The following VGF variants were observed in gnomAD, a reference collection of about 807,000 sequenced individuals.
The protein encoded by VGF is VGF nerve growth factor inducible, also known as neurosecretory protein VGF.
VGF carries 13 observed loss-of-function variants against 41.1 expected under a neutral mutation model. The ratio of observed to expected loss-of-function variants is 0.32; its 90% CI spans 0.21 to 0.50. The LOEUF (loss-of-function observed/expected upper bound fraction) is 0.50, where lower values mean the gene tolerates loss of function less well. VGF is among the 20% of genes least tolerant of loss of function. VGF has a pLI of 0.98. For missense variants in VGF, 920 were observed against 882.1 expected, an observed-to-expected ratio of 1.04 and a Z score of -0.54; for synonymous variants, 473 against 418.3, an observed-to-expected ratio of 1.13 and a Z score of -1.60.
At chr7:101,169,832 C>G (rs1797278894), upstream of VGF, among the ~76,000 whole-genome samples, 2 of 152,238 alleles carry the variant, frequency 1.3e-5, no homozygotes, top group African/African-American at 2.4e-5. Flanking sequence ...TCCATCCCAC[C>G]CAGACACCCC....
chr7:101,169,595 G>C (rs142302377), upstream of VGF, among the ~76,000 whole-genome samples: 564 of 152,224 alleles, frequency 3.7e-3, 1 homozygote, highest in African/African-American at 0.013. Flanking sequence ...TTACCAGGTG[G>C]AGGGAGGGGC....
Position 101,165,469 on chromosome 7 carries a change from G to A in VGF, c.-116C>T. On this transcript the variant is annotated 5_prime_UTR_variant, in exon 1 of 2. Transcript: ENST00000249330. ...GCGTCCGCCTCGGCTCCGAGCGGTG[G>A]CCGGGGTAGGAGCGACGGTCGAGGT... The A allele has an allele frequency of 1.0e-6, 1 of 985,520 alleles. No homozygotes were observed. Among genetic ancestry groups the A allele is most frequent in the Non-Finnish European group, 1.2e-6 (1 of 829,982 alleles). The allele number at this position is 985,520 out of a possible 1,614,324, so 61.0% of individuals were successfully genotyped here. A position where few individuals can be genotyped will look rare whatever the true frequency, so the allele number is the denominator to read the frequency against.
At position 101,165,361 on chromosome 7, in the gene VGF, G is replaced by C. The variant is rs1797201101; in HGVS notation, c.-21+13C>G. On this transcript the variant is annotated intron_variant, in intron 1 of 1. Transcript: ENST00000249330. ...CTGCCGAGGGTTTGAGGGACGAACAGCGGAGTATTTACCAGCTGGTGTCAC... is the reference window on the plus strand; with the variant it reads ...CTGCCGAGGGTTTGAGGGACGAACACCGGAGTATTTACCAGCTGGTGTCAC... The C allele has an allele frequency of 1.0e-6, 1 of 985,650 alleles. No individual in the cohort carries two copies. The highest frequency in any genetic ancestry group is 1.2e-6 in the Non-Finnish European group (1 of 830,090). The allele number at this position is 985,650 out of a possible 1,614,324, so 61.1% of individuals were successfully genotyped here.
upstream of VGF, among the ~76,000 whole-genome samples, chr7:101,166,536 C>A (rs1177499687): frequency 1.4e-5 from 2 of 147,600 alleles, no homozygotes; most frequent in Non-Finnish European, 1.5e-5. Context: ...TGACTCAACT[C>A]CAGCTCTCTC....
At chr7:101,165,725 C>T (rs1459698529), upstream of VGF, 4 of 920,558 alleles carry the variant, frequency 4.3e-6, no homozygotes, top group African/African-American at 7.1e-5. Flanking sequence ...CTGCCTCTCC[C>T]GGCCTGCGCC....
Position 101,163,925 on chromosome 7 carries a change from C to T in VGF, c.919G>A (p.Gly307Arg). Residue 307 changes from glycine (G) to arginine (R), a missense_variant, in exon 2 of 2, where the codon GGG becomes AGG. This residue lies in a region of VGF where 654 missense variants were observed against 638.4 expected (regional missense o/e 1.02). Coordinates refer to ENST00000249330, the MANE Select transcript of VGF (RefSeq NM_003378.4). This position sits in a 1 kb window ranked among gnomAD's most constrained non-coding sequence, Gnocchi z 5.0. ...LQQGLAQVEA[G>R]RRQAEATRQA... ...CGCGTGGCCTCCGCCTGCCGCCGCC[C>T]GGCCTCCACCTGCGCCAGCCCTTGC... 2 of 1,458,284 alleles carry T rather than the reference C, an allele frequency of 1.4e-6. No homozygotes were observed. Among genetic ancestry groups the T allele is most frequent in the Non-Finnish European group, 1.8e-6 (2 of 1,117,266 alleles). The allele number at this position is 1,458,284 out of a possible 1,614,324, so 90.3% of individuals were successfully genotyped here.
At chr7:101,169,253 A>G (rs1797268379), upstream of VGF, among the ~76,000 whole-genome samples, 1 of 151,952 alleles carries the variant, frequency 6.6e-6, no homozygotes, top group Non-Finnish European at 1.5e-5. Flanking sequence ...AGAGAAAGAG[A>G]CAGAGATGGG....
At chr7:101,165,835 G>A (rs1196287285), upstream of VGF, among the ~76,000 whole-genome samples, 2 of 152,196 alleles carry the variant, frequency 1.3e-5, no homozygotes, top group Non-Finnish European at 2.9e-5. Context: ...GCAGGGCGGG[G>A]GGCTATGAAT....
Position 101,163,761 on chromosome 7 carries a change from T to C in VGF, c.1083A>G (p.Ala361=), listed in dbSNP as rs1289808617. ...LQEAAEERES[A]REEEEAEQER... is the part of the protein sequence containing the mutation. ...CCTGCTCCGCCTCCTCCTCCTCCCT[T>C]GCACTCTCTCGCTCCTCCGCCGCCT... is the stretch of plus-strand genomic sequence containing the variant. The change falls in exon 2 of 2, where the codon GCA becomes GCG. Residue 361 remains alanine, a synonymous_variant. Transcript: ENST00000249330. The surrounding 1 kb of genome is among the most constrained non-coding windows in gnomAD (Gnocchi z 5.0). The C allele has an allele frequency of 6.5e-7, 1 of 1,532,080 alleles. No individual in the cohort carries two copies. Among genetic ancestry groups the C allele is most frequent in the South Asian group, 1.2e-5 (1 of 83,938 alleles). 94.9% of individuals were successfully genotyped at this position (1,532,080 alleles called of 1,614,324 possible).
In VGF at chr7:101,162,735, G is replaced by T. The variant is rs1283277017; in HGVS notation, c.*261C>A. The T allele has an allele frequency of 5.0e-6, 3 of 600,464 alleles. No individual in the cohort carries two copies. The highest frequency in any genetic ancestry group is 9.3e-6 in the Non-Finnish European group (3 of 322,036). The allele number at this position is 600,464 out of a possible 1,614,324, so 37.2% of individuals were successfully genotyped here. On this transcript the variant is annotated 3_prime_UTR_variant, in exon 2 of 2. Coordinates refer to ENST00000249330, the MANE Select transcript of VGF (RefSeq NM_003378.4). This position sits in a 1 kb window ranked among gnomAD's most constrained non-coding sequence, Gnocchi z 4.2. ...CCCCAGAGGGACTTGATGGGGCCGG[G>T]GCCCCGCGTGGCAAGGGAACTCGCA...
At chr7:101,165,289 C>T (rs1174344159) in intron 1 of VGF, 85 bp downstream of exon 1, 2 of 987,896 alleles carry the variant, frequency 2.0e-6, no homozygotes, top group Non-Finnish European at 2.4e-6. Context: ...GTGTTTGCAA[C>T]ACCCCCATCG....
Position 101,163,894 on chromosome 7 carries a change from G to A in VGF, c.950C>T (p.Ala317Val). 1.4e-6 allele frequency: 2 copies of A among 1,481,466 alleles called. No homozygotes were observed. The highest frequency in any genetic ancestry group is 2.3e-5 in the Admixed American group (1 of 42,576). The allele number at this position is 1,481,466 out of a possible 1,614,324, so 91.8% of individuals were successfully genotyped here. The change falls in exon 2 of 2, where the codon GCC becomes GTC. Residue 317 changes from alanine (A) to valine (V), a missense_variant. By Grantham distance (64) the Ala-to-Val change is moderately conservative. Transcript: ENST00000249330. The surrounding 1 kb of genome is among the most constrained non-coding windows in gnomAD (Gnocchi z 5.0). ...GGCCAGCCGCTCTTCCTGCGCCGCG[G>A]CCTGCCGCGTGGCCTCCGCCTGCCG... Reference protein sequence around the residue: ...GRRQAEATRQAAAQEERLADL... With the variant: ...GRRQAEATRQVAAQEERLADL...
rs780241774 is a variant in VGF, at chr7:101,163,296, T to TGCGGGA, written c.1542_1547dup (p.Pro515_Ala516dup). On this transcript the variant is annotated inframe_insertion, in exon 2 of 2. Transcript: ENST00000249330. The surrounding 1 kb of genome is among the most constrained non-coding windows in gnomAD (Gnocchi z 5.0). ...CGTTCCAGTCCGGCAGCTCGTCTCG[T>TGCGGGA]GCGGGAGCGGGGGCGGGGGGCGGGG... 1.8e-6 allele frequency: 2 copies of TGCGGGA among 1,126,486 alleles called. No homozygotes were observed. Among genetic ancestry groups the TGCGGGA allele is most frequent in the East Asian group, 1.2e-4 (2 of 16,524 alleles). 69.8% of individuals were successfully genotyped at this position (1,126,486 alleles called of 1,614,324 possible).
chr7:101,166,241 C>T (rs1209646315), upstream of VGF, among the ~76,000 whole-genome samples: 1 of 152,210 alleles, frequency 6.6e-6, no homozygotes, highest in Non-Finnish European at 1.5e-5. Context: ...TTGGTAATCC[C>T]ATCGGGAAGG....
chr7:101,165,870 AGGAT>A (rs1797211345), upstream of VGF, among the ~76,000 whole-genome samples: 1 of 152,140 alleles, frequency 6.6e-6, no homozygotes, highest in Non-Finnish European at 1.5e-5. Context: ...CGAGGAGAAA[AGGAT>A]GAATGAATGA....
In VGF at chr7:101,164,273, T is replaced by A; in HGVS notation, c.571A>T (p.Thr191Ser). ...AAAETETRTH[T>S]LTRVNLESPG... ...CTCTCCAGATTCACTCGGGTCAGCG[T>A]GTGCGTGCGGGTTTCCGTCTCTGCT... The change falls in exon 2 of 2, where the codon ACG (threonine) becomes TCG (serine). Residue 191 changes from threonine (T) to serine (S), a missense_variant. Thr to Ser is a moderately conservative substitution (Grantham distance 58). Around this residue, in one of 3 missense-constraint regions of VGF, gnomAD observed 654 missense variants for 638.4 expected, o/e 1.02. Transcript: ENST00000249330. 1 of 1,604,938 alleles carries A rather than the reference T, an allele frequency of 6.2e-7. No homozygotes were observed. Among genetic ancestry groups the A allele is most frequent in the Non-Finnish European group, 8.5e-7 (1 of 1,179,198 alleles).
At chr7:101,165,733 G>A, upstream of VGF, 1 of 890,436 alleles carries the variant, frequency 1.1e-6, no homozygotes, top group Non-Finnish European at 1.3e-6. Context: ...CCCGGCCTGC[G>A]CCTGCGCGCT....
chr7:101,166,160 G>A (rs561118512), upstream of VGF, among the ~76,000 whole-genome samples: 1 of 152,326 alleles, frequency 6.6e-6, no homozygotes, highest in African/African-American at 2.4e-5. Context: ...GCACGCCTGC[G>A]GGCGCTGTCC....
upstream of VGF, chr7:101,165,669 G>A (rs927072407): frequency 8.1e-5 from 80 of 985,176 alleles, no homozygotes; most frequent in South Asian, 9.4e-5. Context: ...ATGGGGAAGC[G>A]GGCGGCCGCC....
Sources: allele counts gnomAD v4.1 joint callset (sites outside exome capture counted in the v4.1 genomes callset), GRCh38; gene constraint gnomAD v4.1.1; regional missense constraint gnomAD v4.1.1; non-coding constraint Gnocchi (gnomAD v3.1); transcripts MANE v1.5; gene names NCBI Gene and HGNC (gene_info 2026-07-23, HGNC 2026-07-21).